The following SP3 variants were observed in gnomAD, a reference collection of about 807,000 sequenced individuals.
SP3 encodes transcription factor Sp3.
SP3 carries 10 observed loss-of-function variants against 70.3 expected under a neutral mutation model. The observed-to-expected ratio is 0.14, with a 90% CI of 0.09 to 0.24. The LOEUF (loss-of-function observed/expected upper bound fraction) is 0.24, where lower values mean the gene tolerates loss of function less well. Ranked by LOEUF, SP3 falls within the 10% of genes least tolerant of loss-of-function variation. SP3 has a pLI of 1.00. For missense variants in SP3, 825 were observed against 914.6 expected (o/e 0.90, Z 1.26); for synonymous variants, 402 against 333.5 (o/e 1.21, Z -2.24).
chr2:173,960,262 T>G (rs745884458), intron 3 of SP3, among the ~76,000 whole-genome samples: 1 of 152,202 alleles, frequency 6.6e-6, no homozygotes, highest in Non-Finnish European at 1.5e-5. Context: ...CATACAAATA[T>G]ACCGGTGGAA....
rs935656454 is a variant in SP3 at position 173,900,842 on chromosome 2, T to C, written c.*9099A>G. On this transcript the variant is annotated 3_prime_UTR_variant, in exon 7 of 7. Transcript: ENST00000310015. Reference sequence around the variant, plus strand: ...CTTGAATTAATGGAGAGATACAGAATTATCATGGATAGAAAGATAACATTC... The same window carrying C: ...CTTGAATTAATGGAGAGATACAGAACTATCATGGATAGAAAGATAACATTC... Among the ~76,000 whole-genome samples the C allele has an allele frequency of 1.3e-5, 2 of 152,206 alleles. No homozygotes were observed. Among genetic ancestry groups the C allele is most frequent in the African/African-American group, 2.4e-5 (1 of 41,458 alleles).
intron 4 of SP3, among the ~76,000 whole-genome samples, chr2:173,940,922 TATA>T (rs1409939921): frequency 8.5e-5 from 13 of 152,120 alleles, no homozygotes; most frequent in Non-Finnish European, 1.8e-4. Flanking sequence ...CTTTCCCTGT[TATA>T]ATGACCCCTA....
chr2:173,941,761 T>C (rs1171081578), intron 4 of SP3, among the ~76,000 whole-genome samples: 1 of 152,234 alleles, frequency 6.6e-6, no homozygotes, highest in Non-Finnish European at 1.5e-5. Context: ...GCCCTAGGAC[T>C]CATTCCTAAG....
At position 173,954,335 on chromosome 2, in the gene SP3, C is replaced by G. The variant is rs576064209; in HGVS notation, c.1639+538G>C. Reference sequence around the variant, plus strand: ...ATCACAGAATCAAAGAATTTTTGGTCTGGAAGGTCACCTAGACAGTTACCT... The same window carrying G: ...ATCACAGAATCAAAGAATTTTTGGTGTGGAAGGTCACCTAGACAGTTACCT... On this transcript the variant is annotated intron_variant, in intron 4 of 6. Transcript: ENST00000310015. Among the ~76,000 whole-genome samples the G allele has an allele frequency of 4.3e-4, 65 of 152,300 alleles. No individual in the cohort carries two copies. The South Asian group carries it at 0.013, about 32-fold the overall frequency.
chr2:173,917,871 C>T (rs957448637), intron 5 of SP3, among the ~76,000 whole-genome samples: 4 of 152,010 alleles, frequency 2.6e-5, no homozygotes, highest in South Asian at 2.1e-4. Flanking sequence ...ATTAACACTG[C>T]TATCCAAGTT....
intron 3 of SP3, among the ~76,000 whole-genome samples, chr2:173,961,161 T>C (rs890806786): frequency 6.6e-6 from 1 of 152,206 alleles, no homozygotes; most frequent in South Asian, 2.1e-4. Context: ...CAAAGGAGCG[T>C]TGCTATAAAA....
intron 1 of SP3, chr2:173,964,804 G>A: frequency 2.2e-6 from 1 of 463,198 alleles, no homozygotes; most frequent in Non-Finnish European, 3.8e-6. Context: ...CGCTGCCCCT[G>A]CCCCCTCTCC....
In SP3 at chr2:173,937,609, C is replaced by T. The variant is rs555746612; in HGVS notation, c.1639+17264G>A. ...AATAATTCTGATGCTCACTAAAGTC[C>T]GAGAAAAAAATGTTTAAAAAGAAGT... is the stretch of plus-strand genomic sequence containing the variant. On this transcript the variant is annotated intron_variant, in intron 4 of 6. Transcript: ENST00000310015. 8.6e-5 allele frequency among the ~76,000 whole-genome samples: 13 copies of T among 151,666 alleles called. No individual in the cohort carries two copies. In the South Asian group the frequency reaches 2.3e-3, roughly 27 times the overall value.
chr2:173,943,421 G>A (rs988453646), intron 4 of SP3, among the ~76,000 whole-genome samples: 3 of 152,088 alleles, frequency 2.0e-5, no homozygotes, highest in African/African-American at 4.8e-5. Context: ...CTCATAAGGC[G>A]GGATTTCCTA....
intron 4 of SP3, among the ~76,000 whole-genome samples, chr2:173,932,250 G>C (rs1156265792): frequency 6.6e-6 from 1 of 152,116 alleles, no homozygotes; most frequent in Non-Finnish European, 1.5e-5. Context: ...GGAGTACAAT[G>C]GCGTGATCTC....
rs1574390282 is a variant in SP3, at chr2:173,905,101, A to G, written c.*4840T>C. Among the ~76,000 whole-genome samples, 2 of 152,310 alleles carry G rather than the reference A, an allele frequency of 1.3e-5. No individual in the cohort carries two copies. The highest frequency in any genetic ancestry group is 3.4e-3 in the Middle Eastern group (1 of 294). On this transcript the variant is annotated 3_prime_UTR_variant, in exon 7 of 7. Coordinates refer to ENST00000310015, the MANE Select transcript of SP3 (RefSeq NM_003111.5). ...TTCTGATAGGGCAGTCACTTCAGAC[A>G]CTTCATCCACTATCACTTTAGGTTC...
chr2:173,957,157 T>C (rs960875526), intron 3 of SP3, among the ~76,000 whole-genome samples: 2 of 152,128 alleles, frequency 1.3e-5, no homozygotes, highest in Admixed American at 1.3e-4. Context: ...GAAGACATAG[T>C]TGAGAAATAT....
At chr2:173,964,148 G>T in intron 2 of SP3, 2 of 379,742 alleles carry the variant, frequency 5.3e-6, no homozygotes, top group South Asian at 9.0e-5. Context: ...CCTTCCGCCC[G>T]GAACCCACCC....
At chr2:173,947,559 T>C (rs1690581748) in intron 4 of SP3, among the ~76,000 whole-genome samples, 2 of 152,232 alleles carry the variant, frequency 1.3e-5, no homozygotes, top group African/African-American at 2.4e-5. Context: ...TGATTGTTTT[T>C]CCGTATTTAT....
At chr2:173,939,537 G>C (rs1690299660) in intron 4 of SP3, among the ~76,000 whole-genome samples, 1 of 152,112 alleles carries the variant, frequency 6.6e-6, no homozygotes, top group African/African-American at 2.4e-5. Flanking sequence ...GCCGAGGCAG[G>C]TAGATCACCT....
chr2:173,960,231 A>G (rs887109605), intron 3 of SP3, among the ~76,000 whole-genome samples: 1 of 152,230 alleles, frequency 6.6e-6, no homozygotes, highest in Non-Finnish European at 1.5e-5. Context: ...AGTTGTAACT[A>G]AGGCACTCTA....
rs533817433 is a variant in SP3 at position 173,964,013 on chromosome 2, TCTCCTCCTC to T, written c.157-139_157-131del. 138 of 466,296 alleles carry T rather than the reference TCTCCTCCTC, an allele frequency of 3.0e-4. 1 individual carries two copies. Among genetic ancestry groups the T allele is most frequent in the South Asian group, 9.4e-4 (22 of 23,510 alleles). 28.9% of individuals were successfully genotyped at this position (466,296 alleles called of 1,614,324 possible). ...CGCCCGGGCAAGCGCCAGCCCGCGC[TCTCCTCCTC>T]CTCCTCCTCCTCCTCCTGGTCCCGC... On this transcript the variant is annotated intron_variant, in intron 2 of 6. Coordinates refer to ENST00000310015, the MANE Select transcript of SP3 (RefSeq NM_003111.5).
intron 3 of SP3, among the ~76,000 whole-genome samples, chr2:173,960,078 G>C (rs1691017246): frequency 6.6e-6 from 1 of 152,216 alleles, no homozygotes; most frequent in South Asian, 2.1e-4. Context: ...GCTGAGGTGG[G>C]AGGATCAACT....
chr2:173,902,393 T>G lies in SP3; in HGVS notation c.*7548A>C, dbSNP rs1304052064. On this transcript the variant is annotated 3_prime_UTR_variant, in exon 7 of 7. Transcript: ENST00000310015. ...TGGCTGGTAGGAATATAATTTGGTA[T>G]GCATGTTATGGAGATCAATTTGGAA... Among the ~76,000 whole-genome samples, 1 of 152,232 alleles carries G rather than the reference T, an allele frequency of 6.6e-6. No individual in the cohort carries two copies. The highest frequency in any genetic ancestry group is 1.9e-4 in the East Asian group (1 of 5,206).
Sources: allele counts gnomAD v4.1 joint callset (sites outside exome capture counted in the v4.1 genomes callset), GRCh38; gene constraint gnomAD v4.1.1; transcripts MANE v1.5; gene names NCBI Gene and HGNC (gene_info 2026-07-23, HGNC 2026-07-21).